Variants in ABCA6 observed in about 807,000 individuals in gnomAD.
The protein encoded by ABCA6 is ATP-binding cassette sub-family A member 6.
A neutral mutation model predicts 191.2 loss-of-function variants in ABCA6; 164 were observed. The ratio of observed to expected loss-of-function variants is 0.86; its 90% CI spans 0.76 to 0.98. ABCA6 has a LOEUF of 0.98. ABCA6 is among the 50% of genes least tolerant of loss of function. The pLI, the probability that ABCA6 is intolerant of heterozygous loss-of-function variation, is 0.00. For missense variants in ABCA6, 1,958 were observed against 1,894.1 expected (o/e 1.03, Z -0.63); for synonymous variants, 636 against 647.7 (o/e 0.98, Z 0.27).
chr17:69,133,820 A>G lies in ABCA6; in HGVS notation c.612T>C (p.Ala204=). 6.2e-7 allele frequency: 1 copy of G among 1,611,726 alleles called. No homozygotes were observed. Among genetic ancestry groups the G allele is most frequent in the African/African-American group, 1.3e-5 (1 of 75,014 alleles). Residue 204 remains alanine, a synonymous_variant, in exon 6 of 39, where the codon GCT becomes GCC. Transcript: ENST00000284425. ...PVMEELMSVT[A]ITMKTLPFIT... ...TGAAAGGTAATGTCTTCATAGTTATAGCAGTAACTGACATCAACTCCTCCA... is the reference window on the plus strand; with the variant it reads ...TGAAAGGTAATGTCTTCATAGTTATGGCAGTAACTGACATCAACTCCTCCA...
At chr17:69,112,057 G>T (rs2073433375) in intron 16 of ABCA6, 126 bp downstream of exon 16, 1 of 695,420 alleles carries the variant, frequency 1.4e-6, no homozygotes, top group African/African-American at 1.8e-5. Flanking sequence ...AAAGTATTCA[G>T]GAAACACTGA....
intron 23 of ABCA6, among the ~76,000 whole-genome samples, chr17:69,097,432 C>T (rs1351515501): frequency 6.6e-6 from 1 of 150,838 alleles, no homozygotes; most frequent in Non-Finnish European, 1.5e-5. Flanking sequence ...ACCTGGAGGA[C>T]ATAATACATT....
chr17:69,107,586 G>C, intron 18 of ABCA6, 110 bp downstream of exon 18: 1 of 792,826 alleles, frequency 1.3e-6, no homozygotes, highest in Non-Finnish European at 2.1e-6. Flanking sequence ...GCCAAATTTG[G>C]AATGAAATCA....
In ABCA6 at chr17:69,113,301, C is replaced by T. The variant is rs2073467460; in HGVS notation, c.1962G>A (p.Trp654Ter). 1 of 1,598,502 alleles carries T rather than the reference C, an allele frequency of 6.3e-7. No individual in the cohort carries two copies. Among genetic ancestry groups the T allele is most frequent in the Non-Finnish European group, 8.5e-7 (1 of 1,176,152 alleles). The change falls in exon 15 of 39, where the codon TGG becomes TGA. Residue 654 changes from tryptophan to a stop codon, truncating the protein, a stop_gained. Transcript: ENST00000284425. LOFTEE classifies it high-confidence loss of function. ...CTGCTCTACGCTCTCTCAGGAGGCT[C>T]CACACTTGATCTCTGGAAAAGGGAT... ...GLDPFSRDQVWSLLRERRADH... is the reference protein window; with the variant it reads ...GLDPFSRDQV
intron 23 of ABCA6, 57 bp downstream of exon 23, chr17:69,097,863 T>A (rs2073084634): frequency 2.4e-6 from 3 of 1,266,594 alleles, no homozygotes; most frequent in Middle Eastern, 3.9e-4. Flanking sequence ...ACACATAGCA[T>A]TCAAAATACA....
In ABCA6 at chr17:69,080,944, T is replaced by G. The variant is rs16966760; in HGVS notation, c.4696+122A>C. 3.2e-3 allele frequency: 1,798 copies of G among 553,238 alleles called. 23 individuals are homozygous for G. The highest frequency in any genetic ancestry group is 0.031 in the African/African-American group (1,606 of 51,852). The allele number at this position is 553,238 out of a possible 1,614,324, so 34.3% of individuals were successfully genotyped here. A position where few individuals can be genotyped will look rare whatever the true frequency, so the allele number is the denominator to read the frequency against. ...TCTCACCATTACCTACAGTTAGAAT[T>G]CTTAAAAATCATGCCCTACAGCCCT... On this transcript the variant is annotated intron_variant, in intron 37 of 38. Transcript: ENST00000284425.
At chr17:69,105,672 T>G in intron 19 of ABCA6, 44 bp from the exon 20 acceptor site, 1 of 1,344,398 alleles carries the variant, frequency 7.4e-7, no homozygotes, top group South Asian at 1.4e-5. Flanking sequence ...CCAGGAATTT[T>G]ATTTATTTAG....
At position 69,133,768 on chromosome 17, in the gene ABCA6, T is replaced by A. The variant is rs376153425; in HGVS notation, c.664A>T (p.Met222Leu). ...TGAAGCAAGAAGAATAAAATAAACA[T>A]CTCATTGTGAAGAAGATTTTTAGTT... Reference protein sequence around the residue: ...FITKNLLHNEMFILFFLLHFS... With the variant: ...FITKNLLHNELFILFFLLHFS... Residue 222 changes from methionine to leucine, a missense_variant, in exon 6 of 39, where the codon ATG (methionine) becomes TTG (leucine). By Grantham distance (15) the Met-to-Leu change is conservative. Transcript: ENST00000284425. 1 of 1,612,150 alleles carries A rather than the reference T, an allele frequency of 6.2e-7. No individual in the cohort carries two copies. Among genetic ancestry groups the A allele is most frequent in the Non-Finnish European group, 8.5e-7 (1 of 1,178,500 alleles).
chr17:69,079,336 A>G, intron 37 of ABCA6, 71 bp from the exon 38 acceptor site: 1 of 1,192,726 alleles, frequency 8.4e-7, no homozygotes. Context: ...TTTCAAAATC[A>G]TAAAGAATAA....
chr17:69,128,832 T>C, intron 7 of ABCA6, 28 bp from the exon 8 acceptor site: 2 of 1,521,246 alleles, frequency 1.3e-6, no homozygotes, highest in Non-Finnish European at 1.8e-6. Flanking sequence ...CATTCAGCTG[T>C]TATAAAAAAT....
intron 8 of ABCA6, 144 bp from the exon 9 acceptor site, chr17:69,125,179 G>A: frequency 2.8e-6 from 1 of 351,850 alleles, no homozygotes; most frequent in Non-Finnish European, 5.1e-6. Flanking sequence ...GTAAATAAAG[G>A]TATTGGTCAA....
chr17:69,101,792 T>C (rs2073187480), intron 21 of ABCA6, among the ~76,000 whole-genome samples: 1 of 152,156 alleles, frequency 6.6e-6, no homozygotes, highest in South Asian at 2.1e-4. Context: ...ATTGTTTAAA[T>C]CTTACCACTA....
At chr17:69,106,947 T>A (rs2073319830) in intron 18 of ABCA6, among the ~76,000 whole-genome samples, 1 of 152,068 alleles carries the variant, frequency 6.6e-6, no homozygotes, top group Non-Finnish European at 1.5e-5. Flanking sequence ...TTCCCAAGAG[T>A]ATCATTCCTC....
chr17:69,119,004 C>T (rs1177502972), intron 10 of ABCA6, among the ~76,000 whole-genome samples: 1 of 151,872 alleles, frequency 6.6e-6, no homozygotes, highest in East Asian at 1.9e-4. Context: ...CATTAGAATT[C>T]CAAAGGGAAC....
chr17:69,096,920 A>G, intron 23 of ABCA6, 119 bp from the exon 24 acceptor site: 1 of 831,472 alleles, frequency 1.2e-6, no homozygotes, highest in Non-Finnish European at 1.7e-6. Flanking sequence ...ATCTTCTAAT[A>G]TTAAAAAAAA....
intron 36 of ABCA6, among the ~76,000 whole-genome samples, chr17:69,081,785 AT>A (rs1455889154): frequency 6.6e-6 from 1 of 152,240 alleles, no homozygotes; most frequent in Non-Finnish European, 1.5e-5. Flanking sequence ...AATCTCCTTG[AT>A]TCCCCCTCCT....
intron 13 of ABCA6, among the ~76,000 whole-genome samples, chr17:69,114,235 TA>T (rs549436813): frequency 4.5e-4 from 69 of 152,046 alleles, no homozygotes; most frequent in Non-Finnish European, 9.0e-4. Context: ...ATGCAGCCCA[TA>T]AAAAATGATG....
chr17:69,103,753 G>A (rs911198443), intron 20 of ABCA6, among the ~76,000 whole-genome samples: 4 of 151,940 alleles, frequency 2.6e-5, no homozygotes, highest in Admixed American at 6.6e-5. Flanking sequence ...CCCTCCCCAC[G>A]TTCCACACAG....
intron 17 of ABCA6, chr17:69,109,097 G>A (rs570932390): frequency 2.6e-5 from 4 of 152,296 alleles, no homozygotes; most frequent in African/African-American, 7.2e-5. Flanking sequence ...ATTGGGGAGT[G>A]AAGCTAAAAT....
Sources: gnomAD v4.1 joint callset for allele counts (sites outside exome capture counted in the v4.1 genomes callset) on GRCh38, gnomAD v4.1.1 for gene constraint, MANE v1.5 for transcripts, NCBI Gene and HGNC (gene_info 2026-07-23, HGNC 2026-07-21) for gene names.